Variants in EXOC5 observed in about 807,000 individuals in gnomAD.
The protein encoded by EXOC5 is SEC10-like 1.
Under a neutral mutation model 90.8 loss-of-function variants are expected in EXOC5, and 17 were observed. The ratio of observed to expected loss-of-function variants is 0.19; its 90% CI spans 0.13 to 0.28. The LOEUF (loss-of-function observed/expected upper bound fraction) is 0.28. Among genes scored for constraint, EXOC5 ranks in the 10% least tolerant of loss-of-function variants. The pLI is 1.00. For synonymous variants in EXOC5, 260 were observed against 270.0 expected, an observed-to-expected ratio of 0.96 and a Z score of 0.36; for missense variants, 569 against 830.6, an observed-to-expected ratio of 0.69 and a Z score of 3.87.
At chr14:57,238,544 T>C (rs1422536772) in intron 5 of EXOC5, among the ~76,000 whole-genome samples, 1 of 151,712 alleles carries the variant, frequency 6.6e-6, no homozygotes, top group African/African-American at 2.4e-5. Context: ...CCCATTTAAG[T>C]AAATAGTCCA....
rs922524212 is a variant in EXOC5 at position 57,201,441 on chromosome 14, CGT to C, written c.*7166_*7167del. 84 of 138,628 alleles carry C rather than the reference CGT, an allele frequency of 6.1e-4. No individual in the cohort carries two copies. The highest frequency in any genetic ancestry group is 1.7e-3 in the Admixed American group (24 of 14,148). 8.6% of individuals were successfully genotyped at this position (138,628 alleles called of 1,614,324 possible). A position where few individuals can be genotyped will look rare whatever the true frequency, so the allele number is the denominator to read the frequency against. On this transcript the variant is annotated 3_prime_UTR_variant, in exon 18 of 18. Coordinates refer to ENST00000621441, the MANE Select transcript of EXOC5 (RefSeq NM_006544.4). ...TAGTATATATATATACACACACACA[CGT>C]GTGTATATATACACACGCGTGTATA...
chr14:57,239,468 T>C, intron 5 of EXOC5, 127 bp downstream of exon 5: 1 of 627,136 alleles, frequency 1.6e-6, no homozygotes, highest in Non-Finnish European at 2.8e-6. Context: ...AGCAAGTAAA[T>C]GAACCAGCAA....
chr14:57,240,328 C>A (rs1043840251), intron 4 of EXOC5, among the ~76,000 whole-genome samples: 1 of 151,672 alleles, frequency 6.6e-6, no homozygotes, highest in Admixed American at 6.6e-5. Flanking sequence ...TCTCTTAAGG[C>A]TGGAGTGCAA....
At chr14:57,238,590 G>T (rs1274531929) in intron 5 of EXOC5, among the ~76,000 whole-genome samples, 1 of 151,588 alleles carries the variant, frequency 6.6e-6, no homozygotes, top group African/African-American at 2.4e-5. Flanking sequence ...AGAAGTTTTG[G>T]TGGGTGACTT....
At chr14:57,215,186 C>A (rs1265819739) in intron 15 of EXOC5, among the ~76,000 whole-genome samples, 1 of 151,056 alleles carries the variant, frequency 6.6e-6, no homozygotes, top group Non-Finnish European at 1.5e-5. Flanking sequence ...GAGCCAAGAT[C>A]GTGCCACTGG....
chr14:57,208,625 G>C lies in EXOC5; in HGVS notation c.2111C>G (p.Ala704Gly), dbSNP rs765122973. The C allele has an allele frequency of 3.0e-5, 48 of 1,602,228 alleles. No homozygotes were observed. The highest frequency in any genetic ancestry group is 8.8e-5 in the South Asian group (8 of 90,480). Reference protein sequence around the residue: ...LRADYRSARLARHFS With the variant: ...LRADYRSARLGRHFS The stretch of plus-strand genomic sequence containing the variant: ...AATTCAATCTCAGCTGAAGTGTCGA[G>C]CAAGGCGGGCAGATCTATAATCAGC... The change falls in exon 18 of 18, where the codon GCT becomes GGT. Residue 704 changes from alanine to glycine, a missense_variant. By Grantham distance (60) the Ala-to-Gly change is moderately conservative (BLOSUM62 0). This residue lies in a region of EXOC5 where 122 missense variants were observed against 180.0 expected (regional missense o/e 0.68). Transcript: ENST00000621441.
intron 1 of EXOC5, among the ~76,000 whole-genome samples, chr14:57,262,540 G>A (rs1394188679): frequency 1.6e-5 from 1 of 64,090 alleles, no homozygotes; most frequent in Non-Finnish European, 2.4e-5. Flanking sequence ...AAATACATAT[G>A]TGTGTGTGTG....
rs1882639042 is a variant in EXOC5 at position 57,205,975 on chromosome 14, T to A, written c.*2634A>T. On this transcript the variant is annotated 3_prime_UTR_variant, in exon 18 of 18. Coordinates refer to ENST00000621441, the MANE Select transcript of EXOC5 (RefSeq NM_006544.4). ...TTCTTCATAAGGACACTTCATCTAC[T>A]CTGGTTGACTGTCATTTTCAACATC... 2.2e-6 allele frequency: 1 copy of A among 456,036 alleles called. No individual in the cohort carries two copies. The allele number at this position is 456,036 out of a possible 1,614,324, so 28.2% of individuals were successfully genotyped here. A position where few individuals can be genotyped will look rare whatever the true frequency, so the allele number is the denominator to read the frequency against.
chr14:57,258,299 A>G (rs1240875304), intron 1 of EXOC5, among the ~76,000 whole-genome samples: 1 of 152,148 alleles, frequency 6.6e-6, no homozygotes, highest in Admixed American at 6.5e-5. Context: ...AACCAACCCA[A>G]ATGCCCATCA....
At chr14:57,221,552 G>T (rs1463101833) in intron 13 of EXOC5, among the ~76,000 whole-genome samples, 1 of 152,150 alleles carries the variant, frequency 6.6e-6, no homozygotes, top group Non-Finnish European at 1.5e-5. Flanking sequence ...ACATGAATTT[G>T]ACTTATGCCT....
chr14:57,238,363 T>TACAC (rs1239763707), intron 5 of EXOC5, among the ~76,000 whole-genome samples: 27 of 94,078 alleles, frequency 2.9e-4, no homozygotes, highest in African/African-American at 7.6e-4. Context: ...TATATATATA[T>TACAC]ATATATATAT....
chr14:57,265,703 C>T lies in EXOC5; in HGVS notation c.27+2919G>A, dbSNP rs544526736. On this transcript the variant is annotated intron_variant, in intron 1 of 17. Transcript: ENST00000621441. Reference sequence around the variant, plus strand: ...TTACCCAACTGCACTCCAGCCTATGCGATAGAGCAAGACCCTGTCTCAAAA... The same window carrying T: ...TTACCCAACTGCACTCCAGCCTATGTGATAGAGCAAGACCCTGTCTCAAAA... 7.9e-5 allele frequency among the ~76,000 whole-genome samples: 12 copies of T among 152,248 alleles called. 1 individual carries two copies. In the East Asian group the frequency reaches 2.3e-3, roughly 29 times the overall value.
At chr14:57,218,300 G>A (rs1883029818) in intron 14 of EXOC5, among the ~76,000 whole-genome samples, 1 of 152,050 alleles carries the variant, frequency 6.6e-6, no homozygotes, top group Non-Finnish European at 1.5e-5. Flanking sequence ...AGGGAAGGAA[G>A]AGGACCACTT....
chr14:57,262,705 A>ATGTG (rs1884547615), intron 1 of EXOC5, among the ~76,000 whole-genome samples: 1 of 147,216 alleles, frequency 6.8e-6, no homozygotes, highest in African/African-American at 2.5e-5. Flanking sequence ...GTATATATAT[A>ATGTG]TGTATATATA....
At chr14:57,209,469 A>G (rs1467133014) in intron 17 of EXOC5, 98 bp downstream of exon 17, 4 of 649,906 alleles carry the variant, frequency 6.2e-6, no homozygotes, top group Non-Finnish European at 1.1e-5. Context: ...AACAAAAGTT[A>G]TAAACCTTTC....
chr14:57,217,448 A>C (rs2139615900), intron 15 of EXOC5, among the ~76,000 whole-genome samples: 1 of 152,240 alleles, frequency 6.6e-6, no homozygotes, highest in East Asian at 1.9e-4. Flanking sequence ...AAACTTTTTC[A>C]TTACTGCTAA....
At position 57,203,031 on chromosome 14, in the gene EXOC5, A is replaced by G. The variant is rs1198356660; in HGVS notation, c.*5578T>C. On this transcript the variant is annotated 3_prime_UTR_variant, in exon 18 of 18. Transcript: ENST00000621441. ...AAATGGTACACAGTATTCACAAACA[A>G]TATGCTTAGAGGTAGCTTCACAGTT... 3.9e-5 allele frequency: 6 copies of G among 152,168 alleles called. No individual in the cohort carries two copies. Among genetic ancestry groups the G allele is most frequent in the African/African-American group, 1.4e-4 (6 of 41,436 alleles). 9.4% of individuals were successfully genotyped at this position (152,168 alleles called of 1,614,324 possible). A position where few individuals can be genotyped will look rare whatever the true frequency, so the allele number is the denominator to read the frequency against.
chr14:57,238,854 T>A (rs1883763339), intron 5 of EXOC5, among the ~76,000 whole-genome samples: 1 of 152,108 alleles, frequency 6.6e-6, no homozygotes, highest in Admixed American at 6.5e-5. Flanking sequence ...TCTATTACTA[T>A]GTATCATTTA....
At position 57,204,623 on chromosome 14, in the gene EXOC5, C is replaced by T. The variant is rs1437845251; in HGVS notation, c.*3986G>A. The T allele has an allele frequency of 1.3e-5, 2 of 152,330 alleles. No homozygotes were observed. Among genetic ancestry groups the T allele is most frequent in the Admixed American group, 6.6e-5 (1 of 15,224 alleles). The allele number at this position is 152,330 out of a possible 1,614,324, so 9.4% of individuals were successfully genotyped here. On this transcript the variant is annotated 3_prime_UTR_variant, in exon 18 of 18. Coordinates refer to ENST00000621441, the MANE Select transcript of EXOC5 (RefSeq NM_006544.4). ...TACTTCTATGTCACAAAATATAGTA[C>T]AAAATATTTGGTCTCTTTCTATTGT...
Sources: allele counts gnomAD v4.1 joint callset (sites outside exome capture counted in the v4.1 genomes callset), GRCh38; gene constraint gnomAD v4.1.1; regional missense constraint gnomAD v4.1.1; transcripts MANE v1.5; gene names NCBI Gene and HGNC (gene_info 2026-07-23, HGNC 2026-07-21).